The following CDH13 variants were observed in gnomAD, a reference collection of about 807,000 sequenced individuals.
The protein encoded by CDH13 is cadherin 13, also known as cadherin-13.
CDH13 carries 24 observed loss-of-function variants against 63.8 expected under a neutral mutation model. The observed-to-expected ratio is 0.38, with a 90% CI of 0.27 to 0.53. CDH13 has a LOEUF of 0.53. Ranked by LOEUF, CDH13 falls within the 20% of genes least tolerant of loss-of-function variation. CDH13 has a pLI of 0.85. For missense variants in CDH13, 1,049 were observed against 903.1 expected, an observed-to-expected ratio of 1.16 and a Z score of -2.07; for synonymous variants, 503 against 355.3, an observed-to-expected ratio of 1.42 and a Z score of -4.67.
intron 7 of CDH13, among the ~76,000 whole-genome samples, chr16:83,595,311 A>G (rs1359316983): frequency 6.6e-6 from 1 of 152,262 alleles, no homozygotes. Flanking sequence ...TCAGGGAAAC[A>G]GTAATATATC....
intron 1 of CDH13, among the ~76,000 whole-genome samples, chr16:82,843,368 A>C (rs2039114777): frequency 6.6e-6 from 1 of 152,206 alleles, no homozygotes; most frequent in African/African-American, 2.4e-5. Context: ...AGGATGGTCA[A>C]ATGTTTGTAT....
chr16:83,140,572 G>A (rs573634072), intron 4 of CDH13, among the ~76,000 whole-genome samples: 3 of 152,196 alleles, frequency 2.0e-5, no homozygotes, highest in East Asian at 3.9e-4. Context: ...TCCTGCCTCA[G>A]CCCCCAGGGT....
intron 1 of CDH13, among the ~76,000 whole-genome samples, chr16:82,765,676 G>T (rs771739356): frequency 1.4e-4 from 22 of 152,112 alleles, no homozygotes; most frequent in Non-Finnish European, 3.1e-4. Context: ...AGCATTCTAA[G>T]GGAGGCATAA....
At chr16:83,118,116 C>G (rs1220329378) in intron 3 of CDH13, among the ~76,000 whole-genome samples, 2 of 152,282 alleles carry the variant, frequency 1.3e-5, no homozygotes, top group East Asian at 3.9e-4. Flanking sequence ...CTCGGATGAC[C>G]TAGGCTAAAG....
intron 7 of CDH13, among the ~76,000 whole-genome samples, chr16:83,522,677 G>A (rs1313920021): frequency 1.3e-5 from 2 of 152,190 alleles, no homozygotes; most frequent in African/African-American, 2.4e-5. Flanking sequence ...CTCATCAGCA[G>A]GTGGGCGGCA....
intron 1 of CDH13, among the ~76,000 whole-genome samples, chr16:82,741,235 G>A (rs1383913115): frequency 6.6e-6 from 1 of 152,200 alleles, no homozygotes; most frequent in East Asian, 1.9e-4. Flanking sequence ...CCTTCACAGT[G>A]TGTGGTTTGT....
intron 7 of CDH13, among the ~76,000 whole-genome samples, chr16:83,591,124 T>C (rs1403815416): frequency 2.0e-5 from 3 of 151,936 alleles, no homozygotes; most frequent in African/African-American, 7.3e-5. Flanking sequence ...TTGGCCATGC[T>C]GGTCTTGAAC....
intron 1 of CDH13, among the ~76,000 whole-genome samples, chr16:82,667,719 G>A (rs1022491196): frequency 1.3e-5 from 2 of 151,978 alleles, no homozygotes; most frequent in Admixed American, 6.6e-5. Context: ...TCTTGAAAGC[G>A]CAGTCACTAT....
intron 7 of CDH13, among the ~76,000 whole-genome samples, chr16:83,576,944 G>T (rs561639484): frequency 6.6e-6 from 1 of 152,314 alleles, no homozygotes; most frequent in South Asian, 2.1e-4. Flanking sequence ...CATTCTGTAA[G>T]TTGTCTTTTC....
intron 1 of CDH13, among the ~76,000 whole-genome samples, chr16:82,800,275 C>G (rs1408830509): frequency 6.6e-6 from 1 of 152,068 alleles, no homozygotes; most frequent in East Asian, 1.9e-4. Flanking sequence ...GGGTCTCATT[C>G]AGTAGGTTAG....
intron 7 of CDH13, among the ~76,000 whole-genome samples, chr16:83,565,123 A>C (rs979846688): frequency 6.6e-6 from 1 of 152,088 alleles, no homozygotes; most frequent in Admixed American, 6.5e-5. Context: ...TCATGTTTGT[A>C]GTTCTCCAAT....
intron 1 of CDH13, among the ~76,000 whole-genome samples, chr16:82,692,788 G>A (rs1597338146): frequency 7.6e-6 from 1 of 132,240 alleles, no homozygotes; most frequent in African/African-American, 2.9e-5. Flanking sequence ...TAGGTTCTCA[G>A]TAGCTGGGAG....
intron 1 of CDH13, among the ~76,000 whole-genome samples, chr16:82,691,515 C>T (rs1567632090): frequency 6.6e-6 from 1 of 152,196 alleles, no homozygotes; most frequent in Admixed American, 6.5e-5. Context: ...CATTAATGCA[C>T]CCTTTACTGA....
chr16:82,737,104 C>T (rs1426873260), intron 1 of CDH13, among the ~76,000 whole-genome samples: 1 of 152,168 alleles, frequency 6.6e-6, no homozygotes, highest in African/African-American at 2.4e-5. Flanking sequence ...GAGATAATGC[C>T]TGAATCTTTA....
At chr16:82,760,294 A>G (rs1199120876) in intron 1 of CDH13, among the ~76,000 whole-genome samples, 2 of 152,194 alleles carry the variant, frequency 1.3e-5, no homozygotes, top group African/African-American at 2.4e-5. Flanking sequence ...TATCAAAATA[A>G]CAGGGAGAGA....
At chr16:83,711,011 G>A (rs1191309539) in intron 10 of CDH13, among the ~76,000 whole-genome samples, 1 of 152,198 alleles carries the variant, frequency 6.6e-6, no homozygotes, top group East Asian at 1.9e-4. Context: ...CCCGCAGGCT[G>A]CTCAGCATGG....
rs1366809290 is a variant in CDH13, at chr16:83,268,281, G to T, written c.636+50784G>T. Among the ~76,000 whole-genome samples, 7 of 152,282 alleles carry T rather than the reference G, an allele frequency of 4.6e-5. No homozygotes were observed. In the East Asian group the frequency reaches 1.4e-3, roughly 29 times the overall value. ...AATATGTAGGAGAGGAACTTCCATG[G>T]AAGTATGAACAGAAGATCAACTGGA... On this transcript the variant is annotated intron_variant, in intron 5 of 13. Transcript: ENST00000567109.
At chr16:83,184,133 C>T (rs1166381420) in intron 4 of CDH13, among the ~76,000 whole-genome samples, 2 of 137,364 alleles carry the variant, frequency 1.5e-5, no homozygotes, top group Non-Finnish European at 3.1e-5. Context: ...CACATACACA[C>T]ACACACAACT....
intron 5 of CDH13, among the ~76,000 whole-genome samples, chr16:83,261,107 G>A (rs1906933804): frequency 6.6e-6 from 1 of 152,168 alleles, no homozygotes; most frequent in East Asian, 1.9e-4. Flanking sequence ...CAGCCAAGGA[G>A]AACAGGGCAT....
Sources: gnomAD v4.1 joint callset for allele counts (sites outside exome capture counted in the v4.1 genomes callset) on GRCh38, gnomAD v4.1.1 for gene constraint, MANE v1.5 for transcripts, NCBI Gene and HGNC (gene_info 2026-07-23, HGNC 2026-07-21) for gene names.